Variants in WDPCP observed in about 807,000 individuals in gnomAD.
The protein encoded by WDPCP is WD repeat-containing and planar cell polarity effector protein fritz homolog.
In WDPCP, 71 loss-of-function variants were observed where a neutral mutation model predicts 93.1. The observed-to-expected ratio is 0.76, with a 90% CI of 0.63 to 0.93. The LOEUF is 0.93. WDPCP is among the 40% of genes least tolerant of loss of function. WDPCP has a pLI of 0.00. For synonymous variants in WDPCP, 315 were observed against 315.0 expected, an observed-to-expected ratio of 1.00 and a Z score of 0.00; for missense variants, 844 against 887.4, an observed-to-expected ratio of 0.95 and a Z score of 0.62.
At position 63,367,745 on chromosome 2, in the gene WDPCP, A is replaced by T. The variant is rs542684051; in HGVS notation, c.1748+10641T>A. On this transcript the variant is annotated intron_variant, in intron 12 of 17. Coordinates refer to ENST00000272321, the MANE Select transcript of WDPCP (RefSeq NM_015910.7). The stretch of plus-strand genomic sequence containing the variant: ...CTTTAGAAAAAACATAAGTGTTCCA[A>T]AGAACTATAGTGGCTGGGCAGTCTA... 7.9e-5 allele frequency among the ~76,000 whole-genome samples: 12 copies of T among 152,318 alleles called. No homozygotes were observed. In the South Asian group the frequency reaches 2.5e-3, roughly 32 times the overall value.
intron 1 of WDPCP, among the ~76,000 whole-genome samples, chr2:63,509,948 C>G (rs2106078503): frequency 6.6e-6 from 1 of 151,904 alleles, no homozygotes; most frequent in Non-Finnish European, 1.5e-5. Context: ...TATAGTCTAC[C>G]AACCAAAAAA....
rs983672725 is a variant in WDPCP at position 63,457,286 on chromosome 2, A to C, written c.385-17415T>G. 2.3e-4 allele frequency among the ~76,000 whole-genome samples: 35 copies of C among 152,316 alleles called. 3 individuals are homozygous for C. Among genetic ancestry groups the C allele is most frequent in the Admixed American group, 1.4e-3 (22 of 15,296 alleles). ...CACCAAGACTGAATCAGGAAGAAACAGAAAACCTGAGCATACCAATAACAA... is the reference window on the plus strand; with the variant it reads ...CACCAAGACTGAATCAGGAAGAAACCGAAAACCTGAGCATACCAATAACAA... On this transcript the variant is annotated intron_variant, in intron 6 of 17. Coordinates refer to ENST00000272321, the MANE Select transcript of WDPCP (RefSeq NM_015910.7).
intron 12 of WDPCP, among the ~76,000 whole-genome samples, chr2:63,375,060 C>G (rs1255970889): frequency 6.6e-6 from 1 of 152,024 alleles, no homozygotes; most frequent in Non-Finnish European, 1.5e-5. Flanking sequence ...ACAACAGTCT[C>G]ACAGTTAAGA....
intron 12 of WDPCP, among the ~76,000 whole-genome samples, chr2:63,362,975 CTT>C (rs1271606237): frequency 6.6e-6 from 1 of 151,984 alleles, no homozygotes; most frequent in Non-Finnish European, 1.5e-5. Flanking sequence ...AATTTAAAAA[CTT>C]AAAAATTTTG....
intron 2 of WDPCP, among the ~76,000 whole-genome samples, chr2:63,810,535 A>T (rs144906464): frequency 8.0e-4 from 122 of 152,320 alleles, no homozygotes; most frequent in African/African-American, 2.7e-3. Context: ...TTGGAGGGAA[A>T]AAGAACAGTG....
intron 1 of WDPCP, among the ~76,000 whole-genome samples, chr2:63,542,034 A>G (rs1052876363): frequency 6.6e-6 from 1 of 152,220 alleles, no homozygotes; most frequent in African/African-American, 2.4e-5. Flanking sequence ...TTCTCTATAT[A>G]GCTAAGGAGT....
chr2:63,298,749 A>G (rs1685080528), intron 13 of WDPCP, among the ~76,000 whole-genome samples: 1 of 152,218 alleles, frequency 6.6e-6, no homozygotes, highest in Non-Finnish European at 1.5e-5. Flanking sequence ...CAAAGGTCCT[A>G]TGTAGTCTAC....
At chr2:63,280,381 A>G (rs1683438588) in intron 13 of WDPCP, among the ~76,000 whole-genome samples, 1 of 152,214 alleles carries the variant, frequency 6.6e-6, no homozygotes, top group Non-Finnish European at 1.5e-5. Context: ...TCACAAGAAT[A>G]GCATGAGACA....
chr2:63,156,004 GTTTA>G (rs1672220301), intron 15 of WDPCP, among the ~76,000 whole-genome samples: 1 of 151,938 alleles, frequency 6.6e-6, no homozygotes, highest in African/African-American at 2.4e-5. Context: ...CTATTTATTT[GTTTA>G]TTTATTTATT....
intron 17 of WDPCP, among the ~76,000 whole-genome samples, chr2:63,128,173 C>T (rs1391243753): frequency 6.6e-6 from 1 of 151,992 alleles, no homozygotes; most frequent in African/African-American, 2.4e-5. Flanking sequence ...AGATTTCTTT[C>T]AGACAGTATG....
At chr2:63,334,887 T>C (rs926840732) in intron 12 of WDPCP, among the ~76,000 whole-genome samples, 7 of 152,156 alleles carry the variant, frequency 4.6e-5, no homozygotes, top group Non-Finnish European at 8.8e-5. Context: ...AGGAAATTTC[T>C]TGTGGGCCCC....
chr2:63,329,617 A>G (rs1288608735), intron 12 of WDPCP, among the ~76,000 whole-genome samples: 1 of 152,034 alleles, frequency 6.6e-6, no homozygotes, highest in African/African-American at 2.4e-5. Context: ...ATGTTTCTCA[A>G]TTTTTTTCAT....
At chr2:63,462,263 C>T (rs1699066185) in intron 6 of WDPCP, among the ~76,000 whole-genome samples, 1 of 152,160 alleles carries the variant, frequency 6.6e-6, no homozygotes, top group Admixed American at 6.5e-5. Flanking sequence ...GAAAACCAAA[C>T]ACTGCATATT....
intron 6 of WDPCP, among the ~76,000 whole-genome samples, chr2:63,460,155 A>G (rs1291186395): frequency 6.6e-6 from 1 of 152,206 alleles, no homozygotes; most frequent in Non-Finnish European, 1.5e-5. Flanking sequence ...TTCAGCCATA[A>G]AAAATAATGA....
chr2:63,775,571 A>G (rs138485636), intron 2 of WDPCP, among the ~76,000 whole-genome samples: 12 of 152,318 alleles, frequency 7.9e-5, no homozygotes, highest in African/African-American at 2.9e-4. Context: ...ATACATCATT[A>G]AAGTATGCAT....
At position 63,441,148 on chromosome 2, in the gene WDPCP, G is replaced by C. The variant is rs148359747; in HGVS notation, c.385-1277C>G. ...TACAGGGGCAGAGAGTTGGGGGGAG[G>C]GTACTTAATCATCTTTATGGGTTTT... On this transcript the variant is annotated intron_variant, in intron 6 of 17. Transcript: ENST00000272321. 738 of 152,128 alleles carry C rather than the reference G, an allele frequency of 4.9e-3. 6 individuals are homozygous for C. The highest frequency in any genetic ancestry group is 0.031 in the Middle Eastern group (9 of 294). The allele number at this position is 152,128 out of a possible 1,614,324, so 9.4% of individuals were successfully genotyped here.
intron 2 of WDPCP, among the ~76,000 whole-genome samples, chr2:63,732,567 TA>T (rs1384958723): frequency 6.6e-6 from 1 of 152,094 alleles, no homozygotes; most frequent in Non-Finnish European, 1.5e-5. Context: ...TAAACCTGAG[TA>T]CTATATAAAA....
chr2:63,738,772 T>C (rs935878200), intron 2 of WDPCP, among the ~76,000 whole-genome samples: 2 of 152,116 alleles, frequency 1.3e-5, no homozygotes, highest in Non-Finnish European at 2.9e-5. Context: ...AGTATATACA[T>C]CATAAATGTA....
At position 63,153,612 on chromosome 2, in the gene WDPCP, A is replaced by G. The variant is rs1425479628; in HGVS notation, c.2079-38T>C. ...GGTGTTTTTAATTGGAAAAAGGATT[A>G]AAAAAGAAAATTTTAAGGTTAGGTA... On this transcript the variant is annotated intron_variant, in intron 15 of 17. Coordinates refer to ENST00000272321, the MANE Select transcript of WDPCP (RefSeq NM_015910.7). 2.0e-6 allele frequency: 3 copies of G among 1,501,086 alleles called. No individual in the cohort carries two copies. In the South Asian group the frequency reaches 3.6e-5, roughly 18 times the overall value. The allele number at this position is 1,501,086 out of a possible 1,614,324, so 93.0% of individuals were successfully genotyped here.
Sources: gnomAD v4.1 joint callset for allele counts (sites outside exome capture counted in the v4.1 genomes callset) on GRCh38, gnomAD v4.1.1 for gene constraint, MANE v1.5 for transcripts, NCBI Gene and HGNC (gene_info 2026-07-23, HGNC 2026-07-21) for gene names.